Variants in PRKCB observed in about 807,000 individuals in gnomAD.
The protein encoded by PRKCB is protein kinase C beta, also known as protein kinase C beta type.
A neutral mutation model predicts 81.5 loss-of-function variants in PRKCB; 13 were observed. The ratio of observed to expected loss-of-function variants is 0.16; its 90% CI spans 0.10 to 0.25. PRKCB has a LOEUF of 0.25. Among genes scored for constraint, PRKCB ranks in the 10% least tolerant of loss-of-function variants. The pLI is 1.00. For synonymous variants in PRKCB, 335 were observed against 321.4 expected, an observed-to-expected ratio of 1.04 and a Z score of -0.45; for missense variants, 509 against 875.7, an observed-to-expected ratio of 0.58 and a Z score of 5.29.
intron 2 of PRKCB, among the ~76,000 whole-genome samples, chr16:23,910,605 A>G (rs1195557776): frequency 3.3e-5 from 5 of 152,214 alleles, no homozygotes; most frequent in Admixed American, 3.3e-4. Context: ...ACTTAGAGTT[A>G]TATTCAGAGA....
chr16:24,031,746 G>A (rs78515665), intron 3 of PRKCB, among the ~76,000 whole-genome samples: 1 of 152,296 alleles, frequency 6.6e-6, no homozygotes, highest in African/African-American at 2.4e-5. Flanking sequence ...AAGCATGCTT[G>A]GAGAATAAAG....
At chr16:24,083,766 G>A (rs1039792341) in intron 5 of PRKCB, among the ~76,000 whole-genome samples, 2 of 152,238 alleles carry the variant, frequency 1.3e-5, no homozygotes, top group East Asian at 3.9e-4. Context: ...TGATGGTTAC[G>A]TGAATCTATA....
intron 15 of PRKCB, among the ~76,000 whole-genome samples, chr16:24,186,476 C>A (rs567383712): frequency 2.6e-5 from 4 of 152,190 alleles, no homozygotes; most frequent in Non-Finnish European, 5.9e-5. Context: ...AAAATATGTT[C>A]TACACATAAT....
At chr16:24,103,419 T>C (rs1055826205) in intron 7 of PRKCB, among the ~76,000 whole-genome samples, 1 of 152,220 alleles carries the variant, frequency 6.6e-6, no homozygotes, top group Non-Finnish European at 1.5e-5. Context: ...CTTTTCTTTT[T>C]CCCTCCTGTT....
At chr16:24,014,129 G>A (rs1170691076) in intron 3 of PRKCB, among the ~76,000 whole-genome samples, 3 of 152,164 alleles carry the variant, frequency 2.0e-5, no homozygotes, top group African/African-American at 7.2e-5. Flanking sequence ...GGCATCCAGG[G>A]CTGCACCTGG....
chr16:24,177,532 C>G (rs1399872596), intron 12 of PRKCB, among the ~76,000 whole-genome samples: 1 of 152,170 alleles, frequency 6.6e-6, no homozygotes, highest in Non-Finnish European at 1.5e-5. Context: ...GTAGCCAGGG[C>G]AGGCACACAA....
intron 16 of PRKCB, among the ~76,000 whole-genome samples, chr16:24,211,846 C>G (rs1306048729): frequency 6.6e-6 from 1 of 152,120 alleles, no homozygotes; most frequent in African/African-American, 2.4e-5. Flanking sequence ...AGGCATGAGC[C>G]ACCGCGCCCG....
chr16:24,100,817 A>T (rs1966497285), intron 7 of PRKCB, among the ~76,000 whole-genome samples: 1 of 152,202 alleles, frequency 6.6e-6, no homozygotes, highest in Admixed American at 6.5e-5. Context: ...CTCCTCCAAA[A>T]TTCAAAGACT....
chr16:24,213,324 C>T (rs151261850), intron 16 of PRKCB, among the ~76,000 whole-genome samples: 1,968 of 152,268 alleles, frequency 0.013, 50 homozygotes, highest in African/African-American at 0.045. Flanking sequence ...TGAGCCACTG[C>T]GCCCAGTCAC....
rs114638203 is a variant in PRKCB at position 24,216,887 on chromosome 16, G to C, written c.*2071G>C. 2.9e-3 allele frequency: 2,819 copies of C among 985,442 alleles called. 66 individuals carry two copies. In the African/African-American group the frequency reaches 0.045, roughly 16 times the overall value. The allele number at this position is 985,442 out of a possible 1,614,324, so 61.0% of individuals were successfully genotyped here. On this transcript the variant is annotated 3_prime_UTR_variant, in exon 17 of 17. Transcript: ENST00000643927. ...AAAACCTGGGTGTCCTGTCCAGAAA[G>C]TGCAGGGTGCTTTCTGCTCTGTAGC...
Position 23,874,223 on chromosome 16 carries a change from A to G in PRKCB, c.205+36817A>G, listed in dbSNP as rs137987931. 1.2e-3 allele frequency among the ~76,000 whole-genome samples: 178 copies of G among 152,342 alleles called. 1 individual carries two copies. Among genetic ancestry groups the G allele is most frequent in the Non-Finnish European group, 2.2e-3 (152 of 68,028 alleles). On this transcript the variant is annotated intron_variant, in intron 2 of 16. Transcript: ENST00000643927. ...AAACGGCAGCGTAGGATTTTGTTCT[A>G]TGGATGAGCTAAAAGTTCTTTCACC...
rs537584260 is a variant in PRKCB, at chr16:24,200,597, G to A, written c.1863+9367G>A. ...GAGGCTGGGAAGTCCAAGGGTGAGG[G>A]GCTTGCATCTGGTGAGAGACTTCTT... is the stretch of plus-strand genomic sequence containing the variant. On this transcript the variant is annotated intron_variant, in intron 16 of 16. Transcript: ENST00000643927. 2.1e-3 allele frequency among the ~76,000 whole-genome samples: 314 copies of A among 152,278 alleles called. 3 individuals carry two copies. Among genetic ancestry groups the A allele is most frequent in the Non-Finnish European group, 1.6e-3 (110 of 68,028 alleles).
chr16:24,089,419 C>T (rs547214701), intron 5 of PRKCB, among the ~76,000 whole-genome samples: 1 of 152,270 alleles, frequency 6.6e-6, no homozygotes, highest in South Asian at 2.1e-4. Context: ...AAGAAAACCA[C>T]AAATGGTTCC....
At chr16:24,153,136 C>T (rs1024034999) in intron 9 of PRKCB, among the ~76,000 whole-genome samples, 12 of 152,148 alleles carry the variant, frequency 7.9e-5, no homozygotes, top group African/African-American at 2.9e-4. Context: ...GTGTGCAGAG[C>T]TGCCTTCCTG....
chr16:24,095,950 C>T (rs1253135177), intron 7 of PRKCB, among the ~76,000 whole-genome samples: 2 of 152,096 alleles, frequency 1.3e-5, no homozygotes, highest in South Asian at 2.1e-4. Context: ...CCTCATGGTC[C>T]CTCATTAGCT....
chr16:24,108,886 T>A (rs1198129219), intron 7 of PRKCB, among the ~76,000 whole-genome samples: 1 of 151,508 alleles, frequency 6.6e-6, no homozygotes, highest in African/African-American at 2.4e-5. Flanking sequence ...CCAGACGGGG[T>A]GGTGGCCGGG....
chr16:23,866,993 TTCC>T, intron 2 of PRKCB, among the ~76,000 whole-genome samples: 2 of 69,762 alleles, frequency 2.9e-5, no homozygotes, highest in African/African-American at 1.2e-4. Context: ...CTTCCCTTCC[TTCC>T]CTTCCTTCCT....
chr16:23,925,383 A>G (rs1396484656), intron 2 of PRKCB, among the ~76,000 whole-genome samples: 3 of 151,934 alleles, frequency 2.0e-5, no homozygotes, highest in Non-Finnish European at 4.4e-5. Flanking sequence ...GTCATTGGGT[A>G]TCTGTGGCCA....
chr16:24,184,457 AAAAAAAAGAAAAG>A (rs1002586391), intron 13 of PRKCB, among the ~76,000 whole-genome samples: 7 of 152,042 alleles, frequency 4.6e-5, no homozygotes, highest in South Asian at 2.1e-4. Context: ...ACTATCTCAA[AAAAAAAAGAAAAG>A]AAAAAAAGAA....
Sources: allele counts gnomAD v4.1 joint callset (sites outside exome capture counted in the v4.1 genomes callset), GRCh38; gene constraint gnomAD v4.1.1; transcripts MANE v1.5; gene names NCBI Gene and HGNC (gene_info 2026-07-23, HGNC 2026-07-21).